Variants in FOCAD observed in about 807,000 individuals in gnomAD.
The protein encoded by FOCAD is KIAA1797.
Under a neutral mutation model 225.6 loss-of-function variants are expected in FOCAD, and 198 were observed. The ratio of observed to expected loss-of-function variants is 0.88; its 90% CI spans 0.78 to 0.99. FOCAD has a LOEUF of 0.99. FOCAD is among the 50% of genes least tolerant of loss of function. The pLI is 0.00. For missense variants in FOCAD, 2,713 were observed against 2,123.6 expected, an observed-to-expected ratio of 1.28 and a Z score of -5.46; for synonymous variants, 897 against 755.0, an observed-to-expected ratio of 1.19 and a Z score of -3.08.
chr9:20,877,784 C>A (rs1450753613), intron 19 of FOCAD, among the ~76,000 whole-genome samples: 1 of 152,108 alleles, frequency 6.6e-6, no homozygotes, highest in Non-Finnish European at 1.5e-5. Context: ...GTGGCAGACA[C>A]CTGTAATTCC....
Position 20,981,440 on chromosome 9 carries a change from A to C in FOCAD, c.4392A>C (p.Arg1464Ser). The C allele has an allele frequency of 6.2e-7, 1 of 1,614,098 alleles. No individual in the cohort carries two copies. The highest frequency in any genetic ancestry group is 8.5e-7 in the Non-Finnish European group (1 of 1,179,946). The change falls in exon 38 of 44, where the codon AGA becomes AGC. Residue 1464 changes from arginine (R) to serine (S), a missense_variant. Coordinates refer to ENST00000338382, the MANE Select transcript of FOCAD (RefSeq NM_001375567.1). ...TTTACTTCCAGCTGAATACCAAGAG[A>C]TATCTCCTGATATCTGCACCTCTGT... ...LIHSLSLNTK[R>S]YLLISAPLWI...
rs1833557713 is a variant in FOCAD, at chr9:20,912,938, A to T, written c.2791A>T (p.Ser931Cys). 3 of 1,612,930 alleles carry T rather than the reference A, an allele frequency of 1.9e-6. No individual in the cohort carries two copies. The highest frequency in any genetic ancestry group is 4.5e-5 in the East Asian group (2 of 44,830). ...ACCTGAGGAGGTGCAGTACAAAAAA[A>T]GCACAGCCTGGCTCTGGTAAGTGTT... ...EEPEEVQYKK[S>C]TAWLWVRDML... Residue 931 changes from serine to cysteine, a missense_variant, in exon 23 of 44, where the codon AGC (serine) becomes TGC (cysteine). Coordinates refer to ENST00000338382, the MANE Select transcript of FOCAD (RefSeq NM_001375567.1).
chr9:20,703,096 G>A (rs1178029034), intron 1 of FOCAD, among the ~76,000 whole-genome samples: 1 of 147,582 alleles, frequency 6.8e-6, no homozygotes, highest in African/African-American at 2.5e-5. Context: ...ATAAGTAAAT[G>A]ACAATCATTT....
chr9:20,921,318 G>C (rs1395711383), intron 24 of FOCAD, among the ~76,000 whole-genome samples: 1 of 152,134 alleles, frequency 6.6e-6, no homozygotes, highest in African/African-American at 2.4e-5. Context: ...TGTTTTAAAG[G>C]ACAATTTAAT....
At chr9:20,874,937 G>T in intron 19 of FOCAD, 130 bp downstream of exon 19, 1 of 1,159,088 alleles carries the variant, frequency 8.6e-7, no homozygotes, top group Non-Finnish European at 1.3e-6. Flanking sequence ...AATGTTAAAT[G>T]CACCCATCTG....
intron 11 of FOCAD, among the ~76,000 whole-genome samples, chr9:20,790,827 C>CCT (rs1820448157): frequency 6.6e-6 from 1 of 152,104 alleles, no homozygotes; most frequent in Non-Finnish European, 1.5e-5. Flanking sequence ...TCCTTTTTAA[C>CCT]CTCAAATTGT....
chr9:20,743,305 C>G (rs1329467885), intron 5 of FOCAD, among the ~76,000 whole-genome samples: 4 of 152,184 alleles, frequency 2.6e-5, no homozygotes, highest in African/African-American at 9.7e-5. Flanking sequence ...TAAGTGTAAG[C>G]TTTCTGAGCA....
intron 3 of FOCAD, among the ~76,000 whole-genome samples, chr9:20,719,687 C>A (rs1277516599): frequency 6.6e-6 from 1 of 151,280 alleles, no homozygotes; most frequent in East Asian, 1.9e-4. Context: ...ACTTATATGT[C>A]CTTCTCATGC....
At chr9:20,963,304 G>C (rs1035259312) in intron 35 of FOCAD, among the ~76,000 whole-genome samples, 1 of 152,170 alleles carries the variant, frequency 6.6e-6, no homozygotes, top group African/African-American at 2.4e-5. Context: ...GAATATAGAA[G>C]CAACATGTAA....
At position 20,866,918 on chromosome 9, in the gene FOCAD, A is replaced by C. The variant is rs750798474; in HGVS notation, c.2107-11A>C. ...TTTTTTTTTTTTTTTTTTTTTTTTT[A>C]CCCTATCTAGGACCCAATTGTAGCA... On this transcript the variant is annotated splice_polypyrimidine_tract_variant and intron_variant, in intron 17 of 43. Transcript: ENST00000338382. 20 of 93,484 alleles carry C rather than the reference A, an allele frequency of 2.1e-4. No homozygotes were observed. Among genetic ancestry groups the C allele is most frequent in the African/African-American group, 3.7e-4 (2 of 5,336 alleles). The allele number at this position is 93,484 out of a possible 1,614,324, so 5.8% of individuals were successfully genotyped here.
At chr9:20,764,634 T>C (rs1829902287) in intron 6 of FOCAD, among the ~76,000 whole-genome samples, 1 of 152,232 alleles carries the variant, frequency 6.6e-6, no homozygotes, top group South Asian at 2.1e-4. Flanking sequence ...ACTGTCTTCA[T>C]CCTGGGCATC....
intron 2 of FOCAD, among the ~76,000 whole-genome samples, chr9:20,659,762 T>C (rs1408008818): frequency 6.6e-6 from 1 of 152,234 alleles, no homozygotes; most frequent in Admixed American, 6.5e-5. Flanking sequence ...GAAGCAGTCA[T>C]TTTGATGGCA....
chr9:20,831,935 T>G (rs2131503225), intron 15 of FOCAD, among the ~76,000 whole-genome samples: 1 of 152,214 alleles, frequency 6.6e-6, no homozygotes, highest in East Asian at 1.9e-4. Context: ...GGACACTTCA[T>G]ATGGAGTCAT....
chr9:20,703,950 C>T (rs1824178235), intron 1 of FOCAD, among the ~76,000 whole-genome samples: 1 of 152,224 alleles, frequency 6.6e-6, no homozygotes, highest in South Asian at 2.1e-4. Context: ...CTCCCTTTAG[C>T]CCCCAAAGGG....
At chr9:20,789,965 A>C (rs1317472297) in intron 11 of FOCAD, among the ~76,000 whole-genome samples, 1 of 152,218 alleles carries the variant, frequency 6.6e-6, no homozygotes, top group African/African-American at 2.4e-5. Flanking sequence ...TGATCATTTA[A>C]AGTGGACACA....
At chr9:20,948,149 C>A in intron 30 of FOCAD, 122 bp from the exon 31 acceptor site, 3 of 954,550 alleles carry the variant, frequency 3.1e-6, no homozygotes, top group South Asian at 2.3e-5. Context: ...TTTCATATGA[C>A]AAATACAGCT....
At position 20,864,947 on chromosome 9, in the gene FOCAD, A is replaced by G. The variant is rs76885517; in HGVS notation, c.2056-979A>G. Among the ~76,000 whole-genome samples, 16 of 152,208 alleles carry G rather than the reference A, an allele frequency of 1.1e-4. 1 individual carries two copies. Among genetic ancestry groups the G allele is most frequent in the African/African-American group, 3.8e-4 (16 of 41,560 alleles). ...CTTTGAGAGGCCTATTTATTTGACA[A>G]ATATTTATGAGTATCTGCTATGTTC... On this transcript the variant is annotated intron_variant, in intron 16 of 43. Coordinates refer to ENST00000338382, the MANE Select transcript of FOCAD (RefSeq NM_001375567.1).
rs200510796 is a variant in FOCAD, at chr9:20,964,706, T to C, written c.4132+11641T>C. On this transcript the variant is annotated intron_variant, in intron 35 of 43. Transcript: ENST00000338382. ...GCATGCCACCACGCCCAGCTAATTTTTGTATTTTTAGTAGAGACAGGCTTT... is the reference window on the plus strand; with the variant it reads ...GCATGCCACCACGCCCAGCTAATTTCTGTATTTTTAGTAGAGACAGGCTTT... Among the ~76,000 whole-genome samples, 7 of 152,268 alleles carry C rather than the reference T, an allele frequency of 4.6e-5. No homozygotes were observed. The East Asian group carries it at 1.4e-3, about 29-fold the overall frequency.
intron 4 of FOCAD, among the ~76,000 whole-genome samples, chr9:20,728,644 T>G (rs994122162): frequency 1.3e-5 from 2 of 152,316 alleles, no homozygotes; most frequent in South Asian, 2.1e-4. Flanking sequence ...TGGCTTAGTT[T>G]TGAAGTTTCC....
Sources: allele counts gnomAD v4.1 joint callset (sites outside exome capture counted in the v4.1 genomes callset), GRCh38; gene constraint gnomAD v4.1.1; transcripts MANE v1.5; gene names NCBI Gene and HGNC (gene_info 2026-07-23, HGNC 2026-07-21).